ADRM1: variants seen among roughly 807,000 people sequenced by gnomAD.
ADRM1 encodes the protein ADRM1 26S proteasome ubiquitin receptor, also known as proteasomal ubiquitin receptor ADRM1.
A neutral mutation model predicts 40.1 loss-of-function variants in ADRM1; 2 were observed. That is an observed-to-expected ratio of 0.05 (90% CI 0.02 to 0.16). The LOEUF is 0.16. Among genes scored for constraint, ADRM1 ranks in the 10% least tolerant of loss-of-function variants. The probability of loss-of-function intolerance (pLI) is 1.00; values close to 1 mark genes in which losing one functional copy is unlikely to be tolerated. For missense variants in ADRM1, 467 were observed against 552.5 expected (o/e 0.85, Z 1.55); for synonymous variants, 287 against 240.4 (o/e 1.19, Z -1.79).
rs374034164 is a variant in ADRM1, at chr20:62,308,719, G to A, written c.1182G>A (p.Thr394=). The A allele has an allele frequency of 1.6e-5, 25 of 1,612,432 alleles. No homozygotes were observed. The Admixed American group carries it at 2.0e-4, about 13-fold the overall frequency. The change falls in exon 10 of 10, where the codon ACG becomes ACA. Residue 394 remains threonine (T), a synonymous_variant. Coordinates refer to ENST00000253003, the MANE Select transcript of ADRM1 (RefSeq NM_007002.4). ...NAKPEQKEGD[T]KDKKDEEEDM... is the part of the protein sequence containing the mutation. ...AGCCCGAGCAGAAAGAGGGCGACAC[G>A]AAGGACAAGAAGGACGAAGAGGAGG...
In ADRM1 at chr20:62,308,725, CAAGAAGGACGAA is replaced by C; in HGVS notation, c.1189_1200del (p.Lys397_Glu400del). ...AGCAGAAAGAGGGCGACACGAAGGACAAGAAGGACGAAGAGGAGGACATGAGCCTGGACTGAG... is the reference window on the plus strand; with the variant it reads ...AGCAGAAAGAGGGCGACACGAAGGACGAGGAGGACATGAGCCTGGACTGAG... On this transcript the variant is annotated inframe_deletion, in exon 10 of 10. Coordinates refer to ENST00000253003, the MANE Select transcript of ADRM1 (RefSeq NM_007002.4). 1 of 1,613,064 alleles carries C rather than the reference CAAGAAGGACGAA, an allele frequency of 6.2e-7. No individual in the cohort carries two copies. The highest frequency in any genetic ancestry group is 8.5e-7 in the Non-Finnish European group (1 of 1,179,988).
At position 62,306,657 on chromosome 20, in the gene ADRM1, G is replaced by C. The variant is rs1461942314; in HGVS notation, c.464G>C (p.Gly155Ala). Residue 155 changes from glycine to alanine, a missense_variant, in exon 5 of 10, where the codon GGC (glycine) becomes GCC (alanine). Coordinates refer to ENST00000253003, the MANE Select transcript of ADRM1 (RefSeq NM_007002.4). Reference protein sequence around the residue: ...HELSALGGEGGLQSLLGNMSH... With the variant: ...HELSALGGEGALQSLLGNMSH... ...CTGCAGTGTTTTCCAGGTGAGGGTG[G>C]CCTGCAGAGCCTGCTGGGAAACATG... 1 of 1,608,078 alleles carries C rather than the reference G, an allele frequency of 6.2e-7. No individual in the cohort carries two copies. The highest frequency in any genetic ancestry group is 8.5e-7 in the Non-Finnish European group (1 of 1,177,862).
chr20:62,308,651 C>A lies in ADRM1; in HGVS notation c.1118-4C>A. On this transcript the variant is annotated splice_polypyrimidine_tract_variant and splice_region_variant and intron_variant, in intron 9 of 9. Coordinates refer to ENST00000253003, the MANE Select transcript of ADRM1 (RefSeq NM_007002.4). ...CACCACCTTGTGTCTTTAACGTGTT[C>A]TAGATGTGGAAGCGTTTGCCAAAGC... The A allele has an allele frequency of 3.1e-6, 5 of 1,612,910 alleles. No homozygotes were observed. The highest frequency in any genetic ancestry group is 2.2e-5 in the South Asian group (2 of 91,034).
chr20:62,306,058 TCTC>T (rs1366945987), intron 3 of ADRM1, 136 bp from the exon 4 acceptor site: 3 of 1,192,246 alleles, frequency 2.5e-6, no homozygotes, highest in East Asian at 2.6e-5. Context: ...CCGGGTCCTG[TCTC>T]CTCAGCATTG....
At position 62,308,747 on chromosome 20, in the gene ADRM1, A is replaced by G. The variant is rs199937384; in HGVS notation, c.1210A>G (p.Met404Val). Residue 404 changes from methionine to valine, a missense_variant, in exon 10 of 10, where the codon ATG (methionine) becomes GTG (valine). Met to Val is a conservative substitution (Grantham distance 21). Around this residue, in one of 3 missense-constraint regions of ADRM1, gnomAD observed 418 missense variants for 474.6 expected, o/e 0.88. Coordinates refer to ENST00000253003, the MANE Select transcript of ADRM1 (RefSeq NM_007002.4). ...GGACAAGAAGGACGAAGAGGAGGACATGAGCCTGGACTGAGCCACGCGCCG... is the reference window on the plus strand; with the variant it reads ...GGACAAGAAGGACGAAGAGGAGGACGTGAGCCTGGACTGAGCCACGCGCCG... ...TKDKKDEEED[M>V]SLD The G allele has an allele frequency of 1.9e-6, 3 of 1,612,756 alleles. No homozygotes were observed. Among genetic ancestry groups the G allele is most frequent in the Admixed American group, 1.7e-5 (1 of 60,008 alleles).
At chr20:62,306,446 C>A in intron 4 of ADRM1, 126 bp downstream of exon 4, 1 of 1,500,672 alleles carries the variant, frequency 6.7e-7, no homozygotes, top group East Asian at 2.3e-5. Context: ...GTTAGAGACC[C>A]TGTGAGCTCC....
At chr20:62,304,148 C>T (rs970969590) in intron 2 of ADRM1, 2 of 476,522 alleles carry the variant, frequency 4.2e-6, no homozygotes, top group East Asian at 3.8e-5. Context: ...CTTAGTTGTT[C>T]TTTGTTACAT....
At chr20:62,307,344 G>C (rs1325063539) in intron 5 of ADRM1, 27 bp from the exon 6 acceptor site, 14 of 1,592,634 alleles carry the variant, frequency 8.8e-6, no homozygotes, top group African/African-American at 1.4e-5. Context: ...AGGGCATCCT[G>C]AGCTCGCATT....
chr20:62,303,334 A>G (rs1352621586), intron 1 of ADRM1: 2 of 384,168 alleles, frequency 5.2e-6, no homozygotes, highest in African/African-American at 2.1e-5. Context: ...GACGGCGTCA[A>G]GCCTAGGGCC....
rs1568880327 is a variant in ADRM1, at chr20:62,308,788, G to A, written c.*27G>A. 1 of 1,611,262 alleles carries A rather than the reference G, an allele frequency of 6.2e-7. No individual in the cohort carries two copies. The highest frequency in any genetic ancestry group is 1.1e-5 in the South Asian group (1 of 90,828). Reference sequence around the variant, plus strand: ...CCACGCGCCGTCCTCCGAGGAACTGGGCGCTTGCAGTGCGTTGCACACCCT... The same window carrying A: ...CCACGCGCCGTCCTCCGAGGAACTGAGCGCTTGCAGTGCGTTGCACACCCT... On this transcript the variant is annotated 3_prime_UTR_variant, in exon 10 of 10. Transcript: ENST00000253003.
intron 7 of ADRM1, 43 bp from the exon 8 acceptor site, chr20:62,307,978 C>T: frequency 1.3e-6 from 2 of 1,590,032 alleles, no homozygotes; most frequent in Non-Finnish European, 8.6e-7. Flanking sequence ...CATGTGGGCA[C>T]TTAGGCTGTC....
chr20:62,304,413 C>G (rs1485846787), intron 2 of ADRM1, 48 bp from the exon 3 acceptor site: 3 of 1,522,958 alleles, frequency 2.0e-6, no homozygotes, highest in Non-Finnish European at 2.7e-6. Flanking sequence ...AGACTGGGCA[C>G]AGTGATGCCA....
intron 6 of ADRM1, 36 bp downstream of exon 6, chr20:62,307,488 G>T (rs2146007300): frequency 6.2e-7 from 1 of 1,604,030 alleles, no homozygotes. Flanking sequence ...AGGTGCCACG[G>T]TGTTAAGGGA....
rs1475080316 is a variant in ADRM1 at position 62,303,762 on chromosome 20, C to T, written c.194C>T (p.Thr65Met). The T allele has an allele frequency of 3.1e-6, 5 of 1,611,104 alleles. No individual in the cohort carries two copies. In the African/African-American group the frequency reaches 5.3e-5, roughly 17 times the overall value. ...ATTCACTTCTGCTGGAAGGACAGGACGTCCGGGAACGTGGAAGACGTGAGT... is the reference window on the plus strand; with the variant it reads ...ATTCACTTCTGCTGGAAGGACAGGATGTCCGGGAACGTGGAAGACGTGAGT... ...SLIHFCWKDR[T>M]SGNVEDDLII... The change falls in exon 2 of 10, where the codon ACG becomes ATG. Residue 65 changes from threonine to methionine, a missense_variant. Thr to Met is a moderately conservative substitution (Grantham distance 81). Around this residue, in one of 3 missense-constraint regions of ADRM1, gnomAD observed 418 missense variants for 474.6 expected, o/e 0.88. Coordinates refer to ENST00000253003, the MANE Select transcript of ADRM1 (RefSeq NM_007002.4).
Position 62,308,661 on chromosome 20 carries a change from A to G in ADRM1, c.1124A>G (p.Glu375Gly). The part of the protein sequence containing the change: ...AVEAANKGDV[E>G]AFAKAMQNNA... ...TGTCTTTAACGTGTTCTAGATGTGG[A>G]AGCGTTTGCCAAAGCCATGCAGAAC... Residue 375 changes from glutamate (E) to glycine (G), a missense_variant, in exon 10 of 10, where the codon GAA becomes GGA. Glu to Gly is a moderately conservative substitution (Grantham distance 98). Around this residue, in one of 3 missense-constraint regions of ADRM1, gnomAD observed 418 missense variants for 474.6 expected, o/e 0.88. Coordinates refer to ENST00000253003, the MANE Select transcript of ADRM1 (RefSeq NM_007002.4). 2 of 1,613,012 alleles carry G rather than the reference A, an allele frequency of 1.2e-6. No individual in the cohort carries two copies. The highest frequency in any genetic ancestry group is 1.7e-6 in the Non-Finnish European group (2 of 1,179,962).
chr20:62,308,186 C>T lies in ADRM1; in HGVS notation c.1014+8C>T. 1 of 1,598,178 alleles carries T rather than the reference C, an allele frequency of 6.3e-7. No individual in the cohort carries two copies. Among genetic ancestry groups the T allele is most frequent in the Non-Finnish European group, 8.5e-7 (1 of 1,176,350 alleles). On this transcript the variant is annotated splice_region_variant and intron_variant, in intron 8 of 9. Coordinates refer to ENST00000253003, the MANE Select transcript of ADRM1 (RefSeq NM_007002.4). ...TCGCCCCAGTTCCAGCAGGTAGAGG[C>T]CGGGCCCAGGGTGTCCTCCACTGTG...
chr20:62,304,059 TG>T (rs1484394356), intron 2 of ADRM1: 1 of 524,712 alleles, frequency 1.9e-6, no homozygotes. Flanking sequence ...GTGAGGTGCC[TG>T]GGGTTGGAGG....
intron 3 of ADRM1, 117 bp from the exon 4 acceptor site, chr20:62,306,080 G>C: frequency 7.1e-7 from 1 of 1,407,776 alleles, no homozygotes; most frequent in Non-Finnish European, 9.6e-7. Flanking sequence ...TGTGTGGCCA[G>C]GCACACGCGC....
intron 7 of ADRM1, 56 bp downstream of exon 7, chr20:62,307,884 G>T: frequency 1.3e-6 from 2 of 1,557,516 alleles, no homozygotes; most frequent in East Asian, 2.4e-5. Context: ...GCTGACCCTC[G>T]CACGCTCACC....
Sources: allele counts gnomAD v4.1 joint callset, GRCh38; gene constraint gnomAD v4.1.1; regional missense constraint gnomAD v4.1.1; transcripts MANE v1.5; gene names NCBI Gene and HGNC (gene_info 2026-07-23, HGNC 2026-07-21).